The following AGBL4 variants were observed in gnomAD, a reference collection of about 807,000 sequenced individuals.
AGBL4 encodes cytosolic carboxypeptidase 6.
A neutral mutation model predicts 66.4 loss-of-function variants in AGBL4; 58 were observed. That is an observed-to-expected ratio of 0.87 (90% confidence interval 0.71 to 1.09). The LOEUF (loss-of-function observed/expected upper bound fraction) is 1.09. Ranked by LOEUF, AGBL4 falls within the 50% of genes least tolerant of loss-of-function variation. AGBL4 has a pLI of 0.00. For missense variants in AGBL4, 579 were observed against 631.0 expected (o/e 0.92, Z 0.88); for synonymous variants, 234 against 222.9 (o/e 1.05, Z -0.44).
At chr1:49,632,396 T>A (rs1645587653) in intron 3 of AGBL4, among the ~76,000 whole-genome samples, 1 of 152,194 alleles carries the variant, frequency 6.6e-6, no homozygotes, top group African/African-American at 2.4e-5. Flanking sequence ...TGAAAAGGAA[T>A]GAAAACTAGT....
chr1:49,238,278 C>G (rs943426724), intron 4 of AGBL4, among the ~76,000 whole-genome samples: 2 of 152,154 alleles, frequency 1.3e-5, no homozygotes, highest in African/African-American at 2.4e-5. Context: ...GTCTCACTCT[C>G]TCCTATCGTT....
At chr1:49,126,183 T>C (rs770914078) in intron 4 of AGBL4, among the ~76,000 whole-genome samples, 1 of 152,126 alleles carries the variant, frequency 6.6e-6, no homozygotes, top group Admixed American at 6.6e-5. Flanking sequence ...CTAACAAGAT[T>C]ATCACTTCTG....
At chr1:49,068,787 A>G (rs1644541826) in intron 4 of AGBL4, among the ~76,000 whole-genome samples, 1 of 152,168 alleles carries the variant, frequency 6.6e-6, no homozygotes, top group Non-Finnish European at 1.5e-5. Flanking sequence ...CTAGTTCCAG[A>G]TACTTGAGGA....
At chr1:49,910,552 G>A (rs1463623431) in intron 1 of AGBL4, among the ~76,000 whole-genome samples, 1 of 151,986 alleles carries the variant, frequency 6.6e-6, no homozygotes, top group Non-Finnish European at 1.5e-5. Flanking sequence ...GTTAGAAGGA[G>A]AGGCGTCAGG....
At chr1:49,806,652 GCCAAGTTCTAT>G (rs1644982830) in intron 2 of AGBL4, among the ~76,000 whole-genome samples, 1 of 152,164 alleles carries the variant, frequency 6.6e-6, no homozygotes, top group South Asian at 2.1e-4. Context: ...ATATGAATCA[GCCAAGTTCTAT>G]TCATCAAAAC....
chr1:49,045,588 C>T lies in AGBL4; in HGVS notation c.590G>A (p.Ser197Asn), dbSNP rs1343869089. The change falls in exon 5 of 14, where the codon AGT becomes AAT. Residue 197 changes from serine to asparagine, a missense_variant. Physicochemically the swap from Ser to Asn is conservative, Grantham distance 46. Coordinates refer to ENST00000371839, the MANE Select transcript of AGBL4 (RefSeq NM_032785.4). ...DYFFREQLGQ[S>N]VQQRKLDLLT... is the part of the protein sequence containing the mutation. Reference sequence around the variant, plus strand: ...CAAACCTGGCACAGGCCTTACCACACTCTGGCCCAGCTGCTCCCGAAAGAA... The same window carrying T: ...CAAACCTGGCACAGGCCTTACCACATTCTGGCCCAGCTGCTCCCGAAAGAA... 9 of 1,604,358 alleles carry T rather than the reference C, an allele frequency of 5.6e-6. No individual in the cohort carries two copies. The highest frequency in any genetic ancestry group is 7.7e-6 in the Non-Finnish European group (9 of 1,175,188).
chr1:49,133,871 T>C (rs1043682244), intron 4 of AGBL4, among the ~76,000 whole-genome samples: 9 of 152,272 alleles, frequency 5.9e-5, no homozygotes, highest in African/African-American at 1.9e-4. Flanking sequence ...TAAGTATGTA[T>C]GTATATGATG....
At chr1:49,511,890 A>C in intron 3 of AGBL4, among the ~76,000 whole-genome samples, 1 of 152,016 alleles carries the variant, frequency 6.6e-6, no homozygotes, top group Non-Finnish European at 1.5e-5. Context: ...ATTACTGTTA[A>C]TGTAACTTCA....
chr1:48,681,642 ATCT>A (rs1646456495), intron 6 of AGBL4, among the ~76,000 whole-genome samples: 2 of 152,176 alleles, frequency 1.3e-5, no homozygotes, highest in African/African-American at 4.8e-5. Context: ...CTGATGACTA[ATCT>A]TCTAGGTTTC....
At chr1:49,109,954 T>C (rs1402609838) in intron 4 of AGBL4, among the ~76,000 whole-genome samples, 1 of 152,208 alleles carries the variant, frequency 6.6e-6, no homozygotes, top group Non-Finnish European at 1.5e-5. Context: ...TCTCACTCCA[T>C]TTCAGCTCCC....
intron 5 of AGBL4, among the ~76,000 whole-genome samples, chr1:49,021,132 A>T (rs893479999): frequency 3.3e-5 from 5 of 152,234 alleles, no homozygotes. Context: ...GGATTCGGGC[A>T]GCATAGAGAG....
chr1:49,778,139 C>T (rs1248543042), intron 2 of AGBL4, among the ~76,000 whole-genome samples: 1 of 152,198 alleles, frequency 6.6e-6, no homozygotes, highest in African/African-American at 2.4e-5. Flanking sequence ...CCTCCACTCA[C>T]AGCATGGAAG....
At chr1:49,665,992 TATTTTTAAA>T (rs1464711248) in intron 3 of AGBL4, among the ~76,000 whole-genome samples, 2 of 151,498 alleles carry the variant, frequency 1.3e-5, no homozygotes, top group Admixed American at 6.6e-5. Flanking sequence ...AATATTTTAA[TATTTTTAAA>T]ATTTTTAAAA....
chr1:48,539,282 G>T (rs1340972612), intron 12 of AGBL4, among the ~76,000 whole-genome samples: 2 of 152,184 alleles, frequency 1.3e-5, no homozygotes, highest in African/African-American at 4.8e-5. Flanking sequence ...GAAACCGAAG[G>T]ATCAGAGAAG....
chr1:49,071,516 A>G (rs1352069162), intron 4 of AGBL4, among the ~76,000 whole-genome samples: 1 of 152,022 alleles, frequency 6.6e-6, no homozygotes, highest in Non-Finnish European at 1.5e-5. Context: ...GTAGTCATTC[A>G]GGAGCAGGTT....
intron 3 of AGBL4, among the ~76,000 whole-genome samples, chr1:49,341,007 A>G (rs771173928): frequency 5.9e-5 from 9 of 152,186 alleles, no homozygotes; most frequent in Non-Finnish European, 1.3e-4. Context: ...CATCTTCCCT[A>G]TGATTTTTCT....
At chr1:48,818,265 A>G in intron 6 of AGBL4, 2 of 717,412 alleles carry the variant, frequency 2.8e-6, no homozygotes, top group South Asian at 1.5e-5. Flanking sequence ...TTTGCAATCA[A>G]TATTATCTCC....
intron 6 of AGBL4, among the ~76,000 whole-genome samples, chr1:48,715,579 A>G (rs1318107552): frequency 6.6e-6 from 1 of 152,152 alleles, no homozygotes; most frequent in Non-Finnish European, 1.5e-5. Context: ...GTATTTGCTG[A>G]GTGAATAAAC....
At chr1:49,224,468 T>G (rs1034186322) in intron 4 of AGBL4, among the ~76,000 whole-genome samples, 1 of 151,780 alleles carries the variant, frequency 6.6e-6, no homozygotes, top group Non-Finnish European at 1.5e-5. Flanking sequence ...ATACAAAAAA[T>G]TAGCCGGGCA....
Sources: gnomAD v4.1 joint callset for allele counts (sites outside exome capture counted in the v4.1 genomes callset) on GRCh38, gnomAD v4.1.1 for gene constraint, MANE v1.5 for transcripts, NCBI Gene and HGNC (gene_info 2026-07-23, HGNC 2026-07-21) for gene names.